Variants in MAGI2 observed in about 807,000 individuals in gnomAD.
MAGI2 encodes membrane-associated guanylate kinase, WW and PDZ domain-containing protein 2.
Under a neutral mutation model 133.3 loss-of-function variants are expected in MAGI2, and 35 were observed. The ratio of observed to expected loss-of-function variants is 0.26; its 90% confidence interval spans 0.20 to 0.35. The LOEUF (loss-of-function observed/expected upper bound fraction) is 0.35. Among genes scored for constraint, MAGI2 ranks in the 10% least tolerant of loss-of-function variants. The pLI, the probability that MAGI2 is intolerant of heterozygous loss-of-function variation, is 1.00. For synonymous variants in MAGI2, 729 were observed against 710.6 expected (o/e 1.03, Z -0.41); for missense variants, 1,636 against 1,863.4 (o/e 0.88, Z 2.25).
At chr7:78,529,938 T>C (rs539950314) in intron 3 of MAGI2, among the ~76,000 whole-genome samples, 1 of 152,150 alleles carries the variant, frequency 6.6e-6, no homozygotes, top group South Asian at 2.1e-4. Context: ...GTTACTGTAA[T>C]ATTTTATTAT....
intron 20 of MAGI2, among the ~76,000 whole-genome samples, chr7:78,121,000 CAAA>C (rs67572219): frequency 5.3e-5 from 4 of 75,194 alleles, no homozygotes; most frequent in Non-Finnish European, 9.6e-5. Flanking sequence ...GACTCCGTCT[CAAA>C]AAAAAAAAAA....
intron 2 of MAGI2, among the ~76,000 whole-genome samples, chr7:78,730,087 A>C (rs974564183): frequency 6.6e-6 from 1 of 152,188 alleles, no homozygotes; most frequent in East Asian, 1.9e-4. Context: ...TCAAATTACA[A>C]GATAAGCATA....
intron 6 of MAGI2, among the ~76,000 whole-genome samples, chr7:78,461,916 CAAAAAAAAAAAAAA>C (rs55811983): frequency 0.026 from 805 of 30,592 alleles, 16 homozygotes; most frequent in African/African-American, 0.082. Context: ...AATTCCGTCT[CAAAAAAAAAAAAAA>C]AAAAAAAAAA....
chr7:79,306,963 G>A (rs1416954510), intron 1 of MAGI2, among the ~76,000 whole-genome samples: 2 of 151,984 alleles, frequency 1.3e-5, no homozygotes, highest in African/African-American at 2.4e-5. Context: ...ACAGGCGACC[G>A]CCACCACACC....
intron 6 of MAGI2, chr7:78,485,418 TTA>T (rs1257436642): frequency 6.6e-6 from 1 of 152,000 alleles, no homozygotes; most frequent in Non-Finnish European, 1.5e-5. Flanking sequence ...AAGTATGTTT[TTA>T]TGTTTAGTAG....
rs1239618988 is a variant in MAGI2 at position 78,070,210 on chromosome 7, T to TACACACAC, written c.3706+8736_3706+8737insGTGTGTGT. Among the ~76,000 whole-genome samples the TACACACAC allele has an allele frequency of 1.4e-4, 8 of 55,446 alleles. No homozygotes were observed. In the East Asian group the frequency reaches 4.3e-3, roughly 30 times the overall value. 36.4% of individuals were successfully genotyped at this position (55,446 alleles called of 152,430 possible). A position where few individuals can be genotyped will look rare whatever the true frequency, so the allele number is the denominator to read the frequency against. ...ATATATATATATATATATATATATA[T>TACACACAC]ATATATATACACACACACACACAGA... On this transcript the variant is annotated intron_variant, in intron 21 of 21. Transcript: ENST00000354212.
chr7:78,856,933 A>C (rs1265401918), intron 2 of MAGI2, among the ~76,000 whole-genome samples: 1 of 152,088 alleles, frequency 6.6e-6, no homozygotes, highest in East Asian at 1.9e-4. Context: ...TTTGTTGAGC[A>C]GTGGTTTGTA....
chr7:78,596,655 A>G (rs1584782924), intron 3 of MAGI2, among the ~76,000 whole-genome samples: 1 of 152,318 alleles, frequency 6.6e-6, no homozygotes, highest in Non-Finnish European at 1.5e-5. Context: ...AACTGCTTTA[A>G]GTTTTAAATA....
intron 20 of MAGI2, among the ~76,000 whole-genome samples, chr7:78,093,676 T>G (rs1335232733): frequency 6.6e-6 from 1 of 152,252 alleles, no homozygotes; most frequent in Admixed American, 6.5e-5. Context: ...ATAGCTAAAG[T>G]GATATTACTC....
chr7:78,515,355 CT>C (rs201256173), intron 4 of MAGI2, among the ~76,000 whole-genome samples: 6 of 151,102 alleles, frequency 4.0e-5, no homozygotes, highest in African/African-American at 9.7e-5. Context: ...CTTCTGTATA[CT>C]TTTTTTTTAG....
chr7:78,026,465 C>T (rs1808926907), intron 21 of MAGI2, among the ~76,000 whole-genome samples: 1 of 152,182 alleles, frequency 6.6e-6, no homozygotes, highest in Admixed American at 6.5e-5. Context: ...AAGCATAACC[C>T]ACATCAAAGG....
At chr7:79,409,551 T>A (rs1029664864) in intron 1 of MAGI2, among the ~76,000 whole-genome samples, 1 of 152,128 alleles carries the variant, frequency 6.6e-6, no homozygotes, top group Non-Finnish European at 1.5e-5. Context: ...ACTGAACGGT[T>A]ATTAAACCAA....
At chr7:78,181,716 A>C (rs188653179) in intron 13 of MAGI2, among the ~76,000 whole-genome samples, 1 of 152,240 alleles carries the variant, frequency 6.6e-6, no homozygotes, top group South Asian at 2.1e-4. Flanking sequence ...GTCTTAATTT[A>C]TTCTGGGCTC....
intron 2 of MAGI2, among the ~76,000 whole-genome samples, chr7:78,657,034 C>T (rs940646999): frequency 4.7e-5 from 7 of 148,060 alleles, no homozygotes; most frequent in African/African-American, 1.7e-4. Flanking sequence ...TAACAGATAC[C>T]TCTTCAAGAA....
Position 78,019,937 on chromosome 7 carries a change from G to T in MAGI2, c.3746C>A (p.Pro1249Gln). The change falls in exon 22 of 22, where the codon CCA becomes CAA. Residue 1249 changes from proline to glutamine, a missense_variant. Physicochemically the swap from Pro to Gln is moderately conservative, Grantham distance 76 (BLOSUM62 -1). Around this residue, in one of 5 missense-constraint regions of MAGI2, gnomAD observed 354 missense variants for 298.7 expected, o/e 1.19. Coordinates refer to ENST00000354212, the MANE Select transcript of MAGI2 (RefSeq NM_012301.4). ...GGAGACGCCTACTTCCGGCAGACCT[G>T]GGGCGGCGGCAGCGGGAGAACTCCA... Reference protein sequence around the residue: ...APWSSPAAAAPGLPEVGVSLD... With the variant: ...APWSSPAAAAQGLPEVGVSLD... 6.2e-7 allele frequency: 1 copy of T among 1,609,332 alleles called. No individual in the cohort carries two copies. Among genetic ancestry groups the T allele is most frequent in the Non-Finnish European group, 8.5e-7 (1 of 1,178,342 alleles).
intron 3 of MAGI2, among the ~76,000 whole-genome samples, chr7:78,561,803 G>T (rs185705956): frequency 6.6e-6 from 1 of 152,312 alleles, no homozygotes; most frequent in East Asian, 1.9e-4. Context: ...AGGAAAGGTT[G>T]CAGGGGATAG....
At chr7:79,285,096 C>G (rs993731739) in intron 1 of MAGI2, among the ~76,000 whole-genome samples, 1 of 152,022 alleles carries the variant, frequency 6.6e-6, no homozygotes, top group African/African-American at 2.4e-5. Flanking sequence ...AAGATGAATT[C>G]TATCCATGTG....
chr7:78,461,393 C>CGTGTGCGTGTGCGT (rs1554423797), intron 6 of MAGI2, among the ~76,000 whole-genome samples: 1 of 138,018 alleles, frequency 7.2e-6, no homozygotes, highest in African/African-American at 2.6e-5. Flanking sequence ...CGTGTGTGTG[C>CGTGTGCGTGTGCGT]GTGTGTGTGT....
intron 2 of MAGI2, among the ~76,000 whole-genome samples, chr7:78,906,546 T>C (rs1798006293): frequency 6.6e-6 from 1 of 152,172 alleles, no homozygotes; most frequent in South Asian, 2.1e-4. Flanking sequence ...ACCAACATGG[T>C]TTATAATATT....
Sources: gnomAD v4.1 joint callset for allele counts (sites outside exome capture counted in the v4.1 genomes callset) on GRCh38, gnomAD v4.1.1 for gene constraint, gnomAD v4.1.1 regional missense constraint, MANE v1.5 for transcripts, NCBI Gene and HGNC (gene_info 2026-07-23, HGNC 2026-07-21) for gene names.